ORC2: variants seen among roughly 807,000 people sequenced by gnomAD.
ORC2 encodes origin recognition complex subunit 2.
In ORC2, 37 loss-of-function variants were observed where a neutral mutation model predicts 77.7. The observed-to-expected ratio is 0.48, with a 90% CI of 0.37 to 0.63. The LOEUF (loss-of-function observed/expected upper bound fraction) is 0.63, where lower values mean the gene tolerates loss of function less well. Among genes scored for constraint, ORC2 ranks in the 20% least tolerant of loss-of-function variants. ORC2 has a pLI of 0.00. For synonymous variants in ORC2, 201 were observed against 229.5 expected (o/e 0.88, Z 1.12); for missense variants, 557 against 661.9 (o/e 0.84, Z 1.74).
At chr2:200,941,519 T>C (rs1376179516) in intron 6 of ORC2, among the ~76,000 whole-genome samples, 5 of 149,674 alleles carry the variant, frequency 3.3e-5, no homozygotes, top group African/African-American at 1.2e-4. Context: ...AAAAGCAAAG[T>C]TGCAGCTTCT....
intron 15 of ORC2, among the ~76,000 whole-genome samples, chr2:200,916,464 G>A (rs1411330757): frequency 6.6e-6 from 1 of 151,770 alleles, no homozygotes; most frequent in Non-Finnish European, 1.5e-5. Flanking sequence ...CAGCCTTGGC[G>A]ACACCATGAG....
intron 5 of ORC2, among the ~76,000 whole-genome samples, chr2:200,945,596 C>CA (rs913344650): frequency 9.5e-5 from 14 of 147,056 alleles, no homozygotes; most frequent in African/African-American, 2.8e-4. Context: ...TGTGGGCTTG[C>CA]AAAAAAAAAT....
At position 200,931,439 on chromosome 2, in the gene ORC2, G is replaced by T; in HGVS notation, c.817C>A (p.Arg273Ser). Residue 273 changes from arginine to serine, a missense_variant, in exon 11 of 18, where the codon CGT becomes AGT. Transcript: ENST00000234296. ...GGGGAAACCTTGCTCAATAAGTTACGCAAAGTTTGCTTTAAAAAAAAGGAG... is the reference window on the plus strand; with the variant it reads ...GGGGAAACCTTGCTCAATAAGTTACTCAAAGTTTGCTTTAAAAAAAAGGAG... ...KRAKLDQQTL[R>S]NLLSKVSPSF... 6.5e-7 allele frequency: 1 copy of T among 1,548,228 alleles called. No individual in the cohort carries two copies. The highest frequency in any genetic ancestry group is 8.7e-7 in the Non-Finnish European group (1 of 1,148,750).
At chr2:200,917,026 ACT>A in intron 15 of ORC2, among the ~76,000 whole-genome samples, 1 of 84,130 alleles carries the variant, frequency 1.2e-5, no homozygotes, top group South Asian at 3.5e-4. Flanking sequence ...ACAGAGTCTC[ACT>A]CTGTTGCACA....
At chr2:200,942,075 G>A (rs1311988358) in intron 6 of ORC2, among the ~76,000 whole-genome samples, 1 of 151,872 alleles carries the variant, frequency 6.6e-6, no homozygotes, top group African/African-American at 2.4e-5. Flanking sequence ...TGTTACACGA[G>A]AGGCTGAGGC....
Position 200,963,654 on chromosome 2 carries a change from G to A in ORC2, c.-224C>T, listed in dbSNP as rs1389950062. On this transcript the variant is annotated 5_prime_UTR_variant, in exon 1 of 18. Transcript: ENST00000234296. ...AGGTAAGGAGCACCGGAGGCCAGCT[G>A]GGGGATGGGAAGCCTGCGTGCGGCA... 2 of 398,208 alleles carry A rather than the reference G, an allele frequency of 5.0e-6. No individual in the cohort carries two copies. Among genetic ancestry groups the A allele is most frequent in the Admixed American group, 4.4e-5 (1 of 22,704 alleles). The allele number at this position is 398,208 out of a possible 1,614,324, so 24.7% of individuals were successfully genotyped here. A position where few individuals can be genotyped will look rare whatever the true frequency, so the allele number is the denominator to read the frequency against.
At chr2:200,938,069 C>T (rs1242605088) in intron 7 of ORC2, 103 bp from the exon 8 acceptor site, 54 of 710,772 alleles carry the variant, frequency 7.6e-5, no homozygotes, top group Admixed American at 6.0e-4. Flanking sequence ...TTTCAATAGA[C>T]TGCATTAGAA....
chr2:200,920,335 G>C lies in ORC2; in HGVS notation c.1353C>G (p.Tyr451Ter). 2 of 1,612,212 alleles carry C rather than the reference G, an allele frequency of 1.2e-6. No homozygotes were observed. The highest frequency in any genetic ancestry group is 1.7e-6 in the Non-Finnish European group (2 of 1,178,752). Reference sequence around the variant, plus strand: ...AGGAGGTTTCTTCAGTATAAGGACTGTATGTAGTAGTTTCATACCAGAGCC... The same window carrying C: ...AGGAGGTTTCTTCAGTATAAGGACTCTATGTAGTAGTTTCATACCAGAGCC... ...FNWLWYETTT[Y>*]SPYTEETSYE... Residue 451 changes from tyrosine to a stop codon, truncating the protein, a stop_gained, in exon 15 of 18, where the codon TAC (tyrosine) becomes TAG (stop). Coordinates refer to ENST00000234296, the MANE Select transcript of ORC2 (RefSeq NM_006190.5). LOFTEE classifies it high-confidence loss of function.
intron 5 of ORC2, among the ~76,000 whole-genome samples, chr2:200,945,733 A>C (rs2041238774): frequency 6.6e-6 from 1 of 152,128 alleles, no homozygotes; most frequent in Non-Finnish European, 1.5e-5. Context: ...CTATCTAACC[A>C]ATCTATTTTC....
chr2:200,963,487 C>G lies in ORC2; in HGVS notation c.-60+3G>C, dbSNP rs1466191296. The G allele has an allele frequency of 1.3e-5, 5 of 398,568 alleles. No individual in the cohort carries two copies. Among genetic ancestry groups the G allele is most frequent in the African/African-American group, 1.0e-4 (5 of 48,648 alleles). 24.7% of individuals were successfully genotyped at this position (398,568 alleles called of 1,614,324 possible). Reference sequence around the variant, plus strand: ...CAGGCTGCCCCGACACCCCACTACTCACCGCTAGGTTTCCGTCTGGCGCCG... The same window carrying G: ...CAGGCTGCCCCGACACCCCACTACTGACCGCTAGGTTTCCGTCTGGCGCCG... On this transcript the variant is annotated splice_donor_region_variant and intron_variant, in intron 1 of 17. Coordinates refer to ENST00000234296, the MANE Select transcript of ORC2 (RefSeq NM_006190.5).
chr2:200,951,535 G>C (rs1180703903), intron 4 of ORC2, among the ~76,000 whole-genome samples: 5 of 152,114 alleles, frequency 3.3e-5, no homozygotes, highest in African/African-American at 9.7e-5. Flanking sequence ...GGTGGTATTC[G>C]TGTTTTGGAT....
At chr2:200,920,921 T>C (rs2124944420) in intron 14 of ORC2, 72 bp downstream of exon 14, 2 of 1,122,040 alleles carry the variant, frequency 1.8e-6, no homozygotes, top group East Asian at 6.0e-5. Flanking sequence ...AAAAATTTTC[T>C]GATTTATATT....
intron 5 of ORC2, among the ~76,000 whole-genome samples, chr2:200,945,956 T>A (rs1406121181): frequency 6.6e-6 from 1 of 152,130 alleles, no homozygotes; most frequent in African/African-American, 2.4e-5. Flanking sequence ...CTATTTTTAA[T>A]TTACCCATTT....
At chr2:200,955,687 C>T (rs1272642794) in intron 4 of ORC2, among the ~76,000 whole-genome samples, 1 of 152,174 alleles carries the variant, frequency 6.6e-6, no homozygotes, top group Non-Finnish European at 1.5e-5. Context: ...AGAGATGACA[C>T]AGGGAGACCT....
chr2:200,924,428 A>G (rs2040809715), intron 13 of ORC2, among the ~76,000 whole-genome samples: 1 of 152,134 alleles, frequency 6.6e-6, no homozygotes, highest in Admixed American at 6.5e-5. Flanking sequence ...TTGGGACAGA[A>G]AGCTTTTCAG....
At chr2:200,939,798 T>C (rs1008582893) in intron 7 of ORC2, among the ~76,000 whole-genome samples, 2 of 152,118 alleles carry the variant, frequency 1.3e-5, no homozygotes, top group East Asian at 1.9e-4. Context: ...TTTGGGAGAG[T>C]TGACAATATC....
At chr2:200,961,780 A>T (rs2041579367) in intron 1 of ORC2, among the ~76,000 whole-genome samples, 1 of 152,232 alleles carries the variant, frequency 6.6e-6, no homozygotes, top group Admixed American at 6.5e-5. Flanking sequence ...ATCAGAAAAA[A>T]TATAAAGGAA....
chr2:200,933,035 A>G (rs568735158), intron 10 of ORC2, among the ~76,000 whole-genome samples: 1 of 152,252 alleles, frequency 6.6e-6, no homozygotes, highest in Admixed American at 6.5e-5. Context: ...AAGTCTGATG[A>G]AGTCCTATTG....
At chr2:200,957,955 T>C in intron 3 of ORC2, 75 bp downstream of exon 3, 1 of 939,250 alleles carries the variant, frequency 1.1e-6, no homozygotes, top group East Asian at 2.5e-5. Context: ...AAAGAAAATG[T>C]TAAAAGTTTT....
Sources: allele counts gnomAD v4.1 joint callset (sites outside exome capture counted in the v4.1 genomes callset), GRCh38; gene constraint gnomAD v4.1.1; transcripts MANE v1.5; gene names NCBI Gene and HGNC (gene_info 2026-07-23, HGNC 2026-07-21).